Variants in DOCK2 observed in about 807,000 individuals in gnomAD.
The protein encoded by DOCK2 is dedicator of cytokinesis protein 2.
Under a neutral mutation model 248.9 loss-of-function variants are expected in DOCK2, and 87 were observed. The ratio of observed to expected loss-of-function variants is 0.35; its 90% CI spans 0.29 to 0.42. The LOEUF (loss-of-function observed/expected upper bound fraction) is 0.42, where lower values mean the gene tolerates loss of function less well. DOCK2 is among the 10% of genes least tolerant of loss of function. The pLI, the probability that DOCK2 is intolerant of heterozygous loss-of-function variation, is 1.00. For synonymous variants in DOCK2, 805 were observed against 821.6 expected (o/e 0.98, Z 0.35); for missense variants, 1,747 against 2,300.2 (o/e 0.76, Z 4.92).
chr5:169,667,029 T>C (rs1182588161), intron 2 of DOCK2, among the ~76,000 whole-genome samples: 1 of 152,180 alleles, frequency 6.6e-6, no homozygotes, highest in Non-Finnish European at 1.5e-5. Context: ...CGTACACACA[T>C]AACCGAGTTT....
chr5:169,686,134 G>C (rs868102709), intron 8 of DOCK2, among the ~76,000 whole-genome samples: 1 of 152,186 alleles, frequency 6.6e-6, no homozygotes, highest in Non-Finnish European at 1.5e-5. Flanking sequence ...AGAGGCAGGG[G>C]CCCCTTGCTG....
chr5:170,071,133 CA>C (rs1378701184), intron 46 of DOCK2, among the ~76,000 whole-genome samples: 2 of 152,178 alleles, frequency 1.3e-5, no homozygotes, highest in African/African-American at 4.8e-5. Flanking sequence ...CACCCGCATG[CA>C]AAAGATGCAG....
intron 49 of DOCK2, 162 bp downstream of exon 49, chr5:170,079,308 C>A: frequency 1.0e-6 from 1 of 995,098 alleles, no homozygotes. Flanking sequence ...AGGTGAAGTG[C>A]TTACTCGTGC....
chr5:169,740,001 A>C (rs528530127), intron 22 of DOCK2, among the ~76,000 whole-genome samples: 1 of 152,194 alleles, frequency 6.6e-6, no homozygotes, highest in Non-Finnish European at 1.5e-5. Flanking sequence ...GGGGGGAAAA[A>C]CCCTAAATAC....
chr5:169,926,467 C>A (rs1329805617), intron 27 of DOCK2, among the ~76,000 whole-genome samples: 1 of 152,128 alleles, frequency 6.6e-6, no homozygotes, highest in Admixed American at 6.5e-5. Context: ...CTGCATTGAT[C>A]TTCTGTGAGC....
chr5:169,980,618 T>C (rs903620231), intron 27 of DOCK2: 1 of 152,108 alleles, frequency 6.6e-6, no homozygotes, highest in Non-Finnish European at 1.5e-5. Context: ...CACACATGCA[T>C]ATACACACAC....
At chr5:169,786,424 T>G (rs1190434570) in intron 25 of DOCK2, among the ~76,000 whole-genome samples, 4 of 152,208 alleles carry the variant, frequency 2.6e-5, no homozygotes, top group African/African-American at 9.7e-5. Context: ...GCCAGCTTGT[T>G]GACTGGCGTG....
intron 27 of DOCK2, among the ~76,000 whole-genome samples, chr5:169,920,384 A>G (rs33369): frequency 0.41 from 62,545 of 152,144 alleles, 13,766 homozygotes; most frequent in African/African-American, 0.57. Flanking sequence ...GGAAGAAAAC[A>G]AAATACTTTC....
rs769295009 is a variant in DOCK2 at position 169,996,036 on chromosome 5, A to C, written c.2994-50A>C. On this transcript the variant is annotated intron_variant, in intron 29 of 51. Transcript: ENST00000520908. ...TTTAGTCTGGCATAAGGACGAAGGA[A>C]CTTAAGGGATCATGCTCAGACAGTC... 4 of 1,591,314 alleles carry C rather than the reference A, an allele frequency of 2.5e-6. No individual in the cohort carries two copies. The East Asian group carries it at 9.0e-5, about 36-fold the overall frequency.
At chr5:169,697,580 G>T (rs775167175) in intron 10 of DOCK2, among the ~76,000 whole-genome samples, 13 of 152,152 alleles carry the variant, frequency 8.5e-5, no homozygotes, top group Non-Finnish European at 1.6e-4. Context: ...CCTGAGGATG[G>T]ATGAGGAGAG....
At chr5:169,781,094 G>A (rs527782511) in intron 25 of DOCK2, among the ~76,000 whole-genome samples, 53 of 152,256 alleles carry the variant, frequency 3.5e-4, no homozygotes, top group African/African-American at 1.2e-3. Context: ...ATGCCATTCC[G>A]TCACGAGGTG....
chr5:169,726,518 C>T (rs1762481880), intron 22 of DOCK2, among the ~76,000 whole-genome samples: 1 of 152,094 alleles, frequency 6.6e-6, no homozygotes, highest in Admixed American at 6.6e-5. Context: ...TAATTAGATC[C>T]CATTTGTCTA....
chr5:170,066,434 CATA>C (rs896885504), intron 44 of DOCK2, among the ~76,000 whole-genome samples: 3 of 152,158 alleles, frequency 2.0e-5, no homozygotes, highest in African/African-American at 7.2e-5. Flanking sequence ...TAGAGGGAGA[CATA>C]ATGTTAGTAG....
intron 24 of DOCK2, 174 bp from the exon 25 acceptor site, chr5:169,761,345 T>G: frequency 1.6e-6 from 1 of 614,712 alleles, no homozygotes; most frequent in Non-Finnish European, 2.9e-6. Context: ...GCTACTAATA[T>G]TCTATACCAA....
intron 4 of DOCK2, 85 bp downstream of exon 4, chr5:169,670,682 G>T (rs775793914): frequency 5.0e-5 from 76 of 1,521,248 alleles, no homozygotes; most frequent in Non-Finnish European, 5.1e-5. Flanking sequence ...TGACTTGGAA[G>T]AGCTGAGGGT....
At chr5:169,879,337 A>T (rs569967391) in intron 27 of DOCK2, among the ~76,000 whole-genome samples, 2 of 152,292 alleles carry the variant, frequency 1.3e-5, no homozygotes, top group East Asian at 3.9e-4. Flanking sequence ...CCAGAACACA[A>T]CGCAAGTTTG....
At chr5:169,792,256 A>G (rs993491214) in intron 25 of DOCK2, among the ~76,000 whole-genome samples, 2 of 152,178 alleles carry the variant, frequency 1.3e-5, no homozygotes, top group Admixed American at 6.5e-5. Context: ...TGTGAGACAC[A>G]GATCTTCATA....
At chr5:169,708,965 G>C (rs1397983751) in intron 15 of DOCK2, among the ~76,000 whole-genome samples, 1 of 152,220 alleles carries the variant, frequency 6.6e-6, no homozygotes, top group Admixed American at 6.5e-5. Context: ...CTCACCAATG[G>C]TGTGACCTTG....
In DOCK2 at chr5:169,702,337, A is replaced by G. The variant is rs377517116; in HGVS notation, c.1293A>G (p.Leu431=). ...GGAACGACATCTACATTACTCTCTT[A>G]CAAGGTGACTTTGACAAGTACAACA... ...DVRNDIYITL[L]QGDFDKYNKT... Residue 431 remains leucine, a synonymous_variant, in exon 14 of 52, where the codon TTA becomes TTG. Transcript: ENST00000520908. 4.3e-6 allele frequency: 7 copies of G among 1,613,842 alleles called. No individual in the cohort carries two copies. In the African/African-American group the frequency reaches 9.3e-5, roughly 22 times the overall value.
Sources: allele counts gnomAD v4.1 joint callset (sites outside exome capture counted in the v4.1 genomes callset), GRCh38; gene constraint gnomAD v4.1.1; transcripts MANE v1.5; gene names NCBI Gene and HGNC (gene_info 2026-07-23, HGNC 2026-07-21).